The following RTN3 variants were observed in gnomAD, a reference collection of about 807,000 sequenced individuals.
The protein encoded by RTN3 is reticulon 3, also known as reticulon-3.
A neutral mutation model predicts 77.8 loss-of-function variants in RTN3; 49 were observed. The ratio of observed to expected loss-of-function variants is 0.63; its 90% CI spans 0.50 to 0.80. The LOEUF is 0.80. RTN3 is among the 30% of genes least tolerant of loss of function. RTN3 has a pLI of 0.00. For synonymous variants in RTN3, 464 were observed against 446.9 expected, an observed-to-expected ratio of 1.04 and a Z score of -0.48; for missense variants, 1,236 against 1,211.9, an observed-to-expected ratio of 1.02 and a Z score of -0.29.
At chr11:63,749,049 C>A (rs1377979231) in intron 3 of RTN3, among the ~76,000 whole-genome samples, 1 of 152,140 alleles carries the variant, frequency 6.6e-6, no homozygotes, top group Non-Finnish European at 1.5e-5. Context: ...TGGGAGGCCA[C>A]AGCAGGAAGA....
intron 2 of RTN3, among the ~76,000 whole-genome samples, chr11:63,716,887 C>T (rs1240807934): frequency 3.5e-5 from 5 of 143,610 alleles, no homozygotes; most frequent in Admixed American, 2.3e-4. Context: ...GAGAATGGCG[C>T]GAACCCGGGA....
chr11:63,690,377 A>G (rs1941591650), intron 1 of RTN3, among the ~76,000 whole-genome samples: 1 of 152,198 alleles, frequency 6.6e-6, no homozygotes, highest in Non-Finnish European at 1.5e-5. Flanking sequence ...TTAATTCAAC[A>G]ACTGAGCATA....
rs530868253 is a variant in RTN3 at position 63,753,818 on chromosome 11, A to G, written c.2994+110A>G. Reference sequence around the variant, plus strand: ...GCAGTCTTTTTATAACTATTTCTACAATCTAATTTTGTGAGTCAAGTGCCT... The same window carrying G: ...GCAGTCTTTTTATAACTATTTCTACGATCTAATTTTGTGAGTCAAGTGCCT... On this transcript the variant is annotated intron_variant, in intron 7 of 8. Transcript: ENST00000377819. 6.2e-5 allele frequency: 63 copies of G among 1,015,626 alleles called. No homozygotes were observed. The African/African-American group carries it at 7.2e-4, about 12-fold the overall frequency. The allele number at this position is 1,015,626 out of a possible 1,614,324, so 62.9% of individuals were successfully genotyped here.
rs1276210579 is a variant in RTN3 at position 63,718,751 on chromosome 11, T to G, written c.249T>G (p.Thr83=). 2.5e-6 allele frequency: 4 copies of G among 1,604,724 alleles called. No individual in the cohort carries two copies. In the South Asian group the frequency reaches 3.4e-5, roughly 14 times the overall value. ...CSDEPSSEIM[T]SSFLSSSEIH... is the part of the protein sequence containing the mutation. ...ATGAGCCATCTTCAGAAATTATGAC[T>G]TCTTCCTTTCTTTCATCTTCTGAAA... Residue 83 remains threonine, a synonymous_variant, in exon 3 of 9, where the codon ACT becomes ACG. Transcript: ENST00000377819.
intron 1 of RTN3, among the ~76,000 whole-genome samples, chr11:63,683,381 T>G (rs998485248): frequency 5.3e-5 from 8 of 152,240 alleles, no homozygotes; most frequent in African/African-American, 1.9e-4. Context: ...CCTTTTGTAC[T>G]TACCTTTTGG....
Position 63,703,549 on chromosome 11 carries a change from CT to C in RTN3, c.143-1288del, listed in dbSNP as rs776490087. Among the ~76,000 whole-genome samples, 268 of 142,094 alleles carry C rather than the reference CT, an allele frequency of 1.9e-3. No individual in the cohort carries two copies. The Middle Eastern group carries it at 0.021, about 11-fold the overall frequency. The allele number at this position is 142,094 out of a possible 152,430, so 93.2% of individuals were successfully genotyped here. On this transcript the variant is annotated intron_variant, in intron 1 of 8. Coordinates refer to ENST00000377819, the MANE Select transcript of RTN3 (RefSeq NM_001265589.2). ...ATATCTTCATACACATATTTTTTTT[CT>C]TTTTTTTTTTTTTGAGACGTCTCAC...
intron 2 of RTN3, among the ~76,000 whole-genome samples, chr11:63,706,529 G>A (rs928301877): frequency 2.0e-5 from 3 of 152,090 alleles, no homozygotes; most frequent in Non-Finnish European, 4.4e-5. Context: ...TTAAACTGAT[G>A]ACATTAGAAC....
chr11:63,718,277 A>G (rs2011516247), intron 2 of RTN3, among the ~76,000 whole-genome samples: 1 of 152,222 alleles, frequency 6.6e-6, no homozygotes, highest in African/African-American at 2.4e-5. Context: ...TGTTCAGCTT[A>G]CAGATTGAAG....
chr11:63,746,878 A>G (rs963529622), intron 3 of RTN3: 17 of 441,022 alleles, frequency 3.9e-5, no homozygotes, highest in Non-Finnish European at 7.4e-5. Flanking sequence ...TGTCAATTAT[A>G]TAGTACACAT....
At chr11:63,685,434 T>G (rs533170640) in intron 1 of RTN3, among the ~76,000 whole-genome samples, 15 of 138,140 alleles carry the variant, frequency 1.1e-4, no homozygotes, top group Non-Finnish European at 2.3e-4. Flanking sequence ...AGGCGGGAGT[T>G]GCAGTGAGCT....
chr11:63,710,487 C>T (rs970452553), intron 2 of RTN3, among the ~76,000 whole-genome samples: 9 of 151,894 alleles, frequency 5.9e-5, no homozygotes, highest in Non-Finnish European at 1.3e-4. Context: ...TTCCTTATTC[C>T]AATAAAAATG....
rs778256062 is a variant in RTN3 at position 63,758,136 on chromosome 11, T to TC, written c.3054-16dup. ...CTAATGTTTTCACTTTCTTTCTTTT[T>TC]CCCCTCCTTTTCTCAATAGGATCCA... On this transcript the variant is annotated intron_variant, in intron 8 of 8. Coordinates refer to ENST00000377819, the MANE Select transcript of RTN3 (RefSeq NM_001265589.2). The TC allele has an allele frequency of 4.6e-6, 7 of 1,509,076 alleles. No homozygotes were observed. Among genetic ancestry groups the TC allele is most frequent in the Non-Finnish European group, 6.3e-6 (7 of 1,105,534 alleles). 93.5% of individuals were successfully genotyped at this position (1,509,076 alleles called of 1,614,324 possible).
chr11:63,743,686 G>A lies in RTN3; in HGVS notation c.2531-6305G>A, dbSNP rs942985062. The stretch of plus-strand genomic sequence containing the variant: ...TCCCAGCACTTTGGGAGGCTGAGGC[G>A]GGCGGATCATCTGAGGTCAGGAGTT... On this transcript the variant is annotated intron_variant, in intron 3 of 8. Coordinates refer to ENST00000377819, the MANE Select transcript of RTN3 (RefSeq NM_001265589.2). Among the ~76,000 whole-genome samples, 3 of 151,946 alleles carry A rather than the reference G, an allele frequency of 2.0e-5. No individual in the cohort carries two copies. The East Asian group carries it at 5.8e-4, about 29-fold the overall frequency.
At chr11:63,702,522 G>T (rs1424868366) in intron 1 of RTN3, among the ~76,000 whole-genome samples, 3 of 151,410 alleles carry the variant, frequency 2.0e-5, no homozygotes, top group Non-Finnish European at 2.9e-5. Context: ...CACCATGTTG[G>T]CCAGGCTGGT....
chr11:63,696,881 CTT>C (rs1193148114), intron 1 of RTN3, among the ~76,000 whole-genome samples: 49 of 16,514 alleles, frequency 3.0e-3, no homozygotes, highest in African/African-American at 5.4e-3. Flanking sequence ...TTCTTTCTTT[CTT>C]TTTTTTTTTT....
chr11:63,753,364 T>A (rs1240186736), intron 6 of RTN3, among the ~76,000 whole-genome samples: 1 of 152,204 alleles, frequency 6.6e-6, no homozygotes, highest in Non-Finnish European at 1.5e-5. Context: ...AAAGGACAGT[T>A]GTCTAGATTT....
intron 1 of RTN3, among the ~76,000 whole-genome samples, chr11:63,686,364 G>A (rs373273426): frequency 3.9e-5 from 6 of 151,918 alleles, no homozygotes; most frequent in South Asian, 2.1e-4. Context: ...CCAGCTACTC[G>A]GGAGGCTGAG....
chr11:63,742,757 T>A (rs1252872091), intron 3 of RTN3, among the ~76,000 whole-genome samples: 2 of 152,160 alleles, frequency 1.3e-5, no homozygotes, highest in African/African-American at 4.8e-5. Context: ...AACAGATAGC[T>A]CTCCATTAAT....
chr11:63,705,045 A>G, intron 2 of RTN3, 138 bp downstream of exon 2: 1 of 735,348 alleles, frequency 1.4e-6, no homozygotes, highest in East Asian at 2.5e-5. Flanking sequence ...GATTCTTTCT[A>G]TTTAGCAGTT....
Sources: allele counts gnomAD v4.1 joint callset (sites outside exome capture counted in the v4.1 genomes callset), GRCh38; gene constraint gnomAD v4.1.1; transcripts MANE v1.5; gene names NCBI Gene and HGNC (gene_info 2026-07-23, HGNC 2026-07-21).